The following SLC22A24 variants were observed in gnomAD, a reference collection of about 807,000 sequenced individuals.
SLC22A24 encodes solute carrier family 22 member 24.
Under a neutral mutation model 49.8 loss-of-function variants are expected in SLC22A24, and 53 were observed. The observed-to-expected ratio is 1.06, with a 90% CI of 0.85 to 1.34. The LOEUF (loss-of-function observed/expected upper bound fraction) is 1.34. Among genes scored for constraint, SLC22A24 ranks in the 40% most tolerant of loss-of-function variants. SLC22A24 has a pLI of 0.00. For synonymous variants in SLC22A24, 302 were observed against 256.4 expected (o/e 1.18, Z -1.70); for missense variants, 786 against 675.9 (o/e 1.16, Z -1.81).
intron 6 of SLC22A24, among the ~76,000 whole-genome samples, chr11:63,087,131 A>C (rs2086992548): frequency 6.6e-6 from 1 of 151,892 alleles, no homozygotes; most frequent in African/African-American, 2.4e-5. Flanking sequence ...AAGAGTAGAA[A>C]TCAGGGAGGG....
chr11:63,142,187 C>T (rs1488920931), intron 1 of SLC22A24, among the ~76,000 whole-genome samples: 1 of 152,186 alleles, frequency 6.6e-6, no homozygotes, highest in African/African-American at 2.4e-5. Flanking sequence ...TGCATGAATA[C>T]ACTCAGTAGC....
chr11:63,127,088 C>T (rs2087296882), intron 2 of SLC22A24, among the ~76,000 whole-genome samples: 1 of 152,144 alleles, frequency 6.6e-6, no homozygotes, highest in Non-Finnish European at 1.5e-5. Context: ...ATCAAGTCGT[C>T]ATTTACATTA....
At chr11:63,082,605 C>A (rs2086966258) in intron 7 of SLC22A24, among the ~76,000 whole-genome samples, 1 of 152,152 alleles carries the variant, frequency 6.6e-6, no homozygotes, top group African/African-American at 2.4e-5. Context: ...TAATCTGTTC[C>A]TTGTTTAGGG....
At chr11:63,089,476 T>C (rs2087005599) in intron 6 of SLC22A24, among the ~76,000 whole-genome samples, 1 of 152,052 alleles carries the variant, frequency 6.6e-6, no homozygotes, top group African/African-American at 2.4e-5. Flanking sequence ...CAGCAAAATA[T>C]ACAGAGCAAT....
intron 6 of SLC22A24, among the ~76,000 whole-genome samples, chr11:63,085,822 A>T (rs2086984104): frequency 6.6e-6 from 1 of 152,224 alleles, no homozygotes; most frequent in Admixed American, 6.5e-5. Context: ...AATCCTGCCA[A>T]AACCAATGAT....
rs577222046 is a variant in SLC22A24 at position 63,129,090 on chromosome 11, A to G, written c.506+5575T>C. Among the ~76,000 whole-genome samples the G allele has an allele frequency of 3.9e-5, 6 of 152,266 alleles. No homozygotes were observed. The East Asian group carries it at 9.6e-4, about 24-fold the overall frequency. On this transcript the variant is annotated intron_variant, in intron 2 of 9. Transcript: ENST00000612278. Reference sequence around the variant, plus strand: ...GAATGGTACTGCCTAGGTTTTCTCTAGGGCTTTTATGGTGTTAGGTCTTAC... The same window carrying G: ...GAATGGTACTGCCTAGGTTTTCTCTGGGGCTTTTATGGTGTTAGGTCTTAC...
chr11:63,132,679 T>A (rs2087345280), intron 2 of SLC22A24, among the ~76,000 whole-genome samples: 1 of 152,130 alleles, frequency 6.6e-6, no homozygotes, highest in Non-Finnish European at 1.5e-5. Flanking sequence ...TGGAAGCTTC[T>A]TCCCAGAGGA....
At chr11:63,117,569 A>G (rs1229405464) in intron 4 of SLC22A24, among the ~76,000 whole-genome samples, 1 of 151,832 alleles carries the variant, frequency 6.6e-6, no homozygotes, top group African/African-American at 2.4e-5. Flanking sequence ...GGCAAGACCA[A>G]CTCCTCCTCT....
chr11:63,087,912 G>C (rs1346943188), intron 6 of SLC22A24, among the ~76,000 whole-genome samples: 1 of 152,228 alleles, frequency 6.6e-6, no homozygotes, highest in East Asian at 1.9e-4. Flanking sequence ...GCCCCAGTAA[G>C]AGGTTTACAG....
chr11:63,104,424 C>A (rs1954993), intron 4 of SLC22A24, 126 bp from the exon 5 acceptor site: 836,057 of 1,079,294 alleles, frequency 0.77, 326,647 homozygotes, highest in East Asian at 0.91. Context: ...TCATTTCTGA[C>A]CAAATTGGCC....
chr11:63,097,924 TG>T (rs1284487353), intron 5 of SLC22A24, among the ~76,000 whole-genome samples: 1 of 151,684 alleles, frequency 6.6e-6, no homozygotes, highest in African/African-American at 2.4e-5. Context: ...TGTTGGGGGA[TG>T]GGGGGCAAAA....
intron 1 of SLC22A24, 54 bp downstream of exon 1, chr11:63,143,324 T>C: frequency 2.2e-6 from 3 of 1,377,118 alleles, no homozygotes; most frequent in Non-Finnish European, 2.8e-6. Flanking sequence ...TTTTTTTGTG[T>C]TAACTCCAAA....
chr11:63,111,279 A>G (rs2087162044), intron 4 of SLC22A24, among the ~76,000 whole-genome samples: 1 of 152,106 alleles, frequency 6.6e-6, no homozygotes, highest in East Asian at 1.9e-4. Context: ...ATTTGCATCA[A>G]TGTTCATCAA....
At chr11:63,128,665 C>CCT (rs377618735) in intron 2 of SLC22A24, among the ~76,000 whole-genome samples, 2 of 150,982 alleles carry the variant, frequency 1.3e-5, no homozygotes, top group African/African-American at 4.8e-5. Flanking sequence ...TAAACTGTCT[C>CCT]CTCTCTCTCT....
At chr11:63,096,715 C>T (rs879620630) in intron 5 of SLC22A24, among the ~76,000 whole-genome samples, 4 of 152,018 alleles carry the variant, frequency 2.6e-5, no homozygotes, top group Non-Finnish European at 5.9e-5. Context: ...GAAGTGAAGG[C>T]AAGGAAAAAA....
At chr11:63,107,155 C>T (rs1468031154) in intron 4 of SLC22A24, among the ~76,000 whole-genome samples, 2 of 152,182 alleles carry the variant, frequency 1.3e-5, no homozygotes, top group Non-Finnish European at 1.5e-5. Flanking sequence ...ATATGGCTAG[C>T]CAGTTTTCCC....
rs577645435 is a variant in SLC22A24, at chr11:63,080,909, G to A, written c.1598+11C>T. The A allele has an allele frequency of 3.8e-5, 59 of 1,549,054 alleles. 2 individuals carry two copies. The South Asian group carries it at 6.7e-4, about 18-fold the overall frequency. Reference sequence around the variant, plus strand: ...CTCCCCACTCAAGTGACAGCTAGAGGGTTTACTCACTCATTTTCCACATCC... The same window carrying A: ...CTCCCCACTCAAGTGACAGCTAGAGAGTTTACTCACTCATTTTCCACATCC... On this transcript the variant is annotated intron_variant, in intron 9 of 9. Transcript: ENST00000612278.
intron 4 of SLC22A24, among the ~76,000 whole-genome samples, chr11:63,117,547 C>T (rs922139654): frequency 6.6e-6 from 1 of 152,126 alleles, no homozygotes; most frequent in Middle Eastern, 3.2e-3. Flanking sequence ...CTATCTTTGC[C>T]ACCCCTGAGA....
intron 6 of SLC22A24, among the ~76,000 whole-genome samples, chr11:63,088,215 T>C (rs1484530921): frequency 2.0e-5 from 3 of 152,198 alleles, no homozygotes; most frequent in Non-Finnish European, 4.4e-5. Flanking sequence ...GGGATGAAGC[T>C]TCCAGAGGAA....
Sources: gnomAD v4.1 joint callset for allele counts (sites outside exome capture counted in the v4.1 genomes callset) on GRCh38, gnomAD v4.1.1 for gene constraint, MANE v1.5 for transcripts, NCBI Gene and HGNC (gene_info 2026-07-23, HGNC 2026-07-21) for gene names.